The following PDSS2 variants were observed in gnomAD, a reference collection of about 807,000 sequenced individuals.
PDSS2 encodes decaprenyl diphosphate synthase subunit 2.
In PDSS2, 31 loss-of-function variants were observed where a neutral mutation model predicts 44.5. That is an observed-to-expected ratio of 0.70 (90% CI 0.52 to 0.94). PDSS2 has a LOEUF of 0.94. Among genes scored for constraint, PDSS2 ranks in the 40% least tolerant of loss-of-function variants. The pLI is 0.00. For missense variants in PDSS2, 452 were observed against 482.2 expected (o/e 0.94, Z 0.59); for synonymous variants, 157 against 180.3 (o/e 0.87, Z 1.03).
At chr6:107,285,198 C>A (rs1187711244) in intron 2 of PDSS2, among the ~76,000 whole-genome samples, 4 of 152,058 alleles carry the variant, frequency 2.6e-5, no homozygotes, top group African/African-American at 9.7e-5. Context: ...TTACTTGAAT[C>A]CTAAAATTTG....
At chr6:107,225,166 T>TATATATATATATATA (rs1773771631) in intron 4 of PDSS2, among the ~76,000 whole-genome samples, 1 of 38,792 alleles carries the variant, frequency 2.6e-5, no homozygotes, top group Non-Finnish European at 4.5e-5. Context: ...TATATATTTT[T>TATATATATATATATA]TTTTTTTTTT....
rs751931690 is a variant in PDSS2, at chr6:107,212,120, T to C, written c.865A>G (p.Met289Val). 11 of 1,614,020 alleles carry C rather than the reference T, an allele frequency of 6.8e-6. No homozygotes were observed. The East Asian group carries it at 2.0e-4, about 29-fold the overall frequency. The stretch of plus-strand genomic sequence containing the variant: ...GGTGTGCAAAGTACCTTATGACTCA[T>C]GGCCATGTGCTTCCCATACTGAAAT... ...MAFQYGKHMA[M>V]SHKINSDVQP... Residue 289 changes from methionine to valine, a missense_variant, in exon 5 of 8, where the codon ATG becomes GTG. Coordinates refer to ENST00000369037, the MANE Select transcript of PDSS2 (RefSeq NM_020381.4).
At chr6:107,435,685 G>A (rs1781328194) in intron 1 of PDSS2, among the ~76,000 whole-genome samples, 1 of 152,076 alleles carries the variant, frequency 6.6e-6, no homozygotes, top group Non-Finnish European at 1.5e-5. Context: ...CTGTCATAAA[G>A]CCCCTGTAAT....
At chr6:107,398,192 C>T (rs1474691677) in intron 1 of PDSS2, among the ~76,000 whole-genome samples, 2 of 152,304 alleles carry the variant, frequency 1.3e-5, no homozygotes, top group African/African-American at 2.4e-5. Context: ...CTGTGGGAGG[C>T]TCCATTTTCT....
At chr6:107,304,353 T>G (rs1291711382) in intron 2 of PDSS2, among the ~76,000 whole-genome samples, 1 of 152,278 alleles carries the variant, frequency 6.6e-6, no homozygotes, top group African/African-American at 2.4e-5. Context: ...ACTTATCACT[T>G]TTTGTCATTT....
chr6:107,324,717 CAT>C (rs1777484940), intron 2 of PDSS2, among the ~76,000 whole-genome samples: 2 of 152,114 alleles, frequency 1.3e-5, no homozygotes, highest in South Asian at 4.1e-4. Flanking sequence ...TAAAATGCTA[CAT>C]ATTTGAATAT....
At chr6:107,178,572 A>G (rs898084874) in intron 7 of PDSS2, among the ~76,000 whole-genome samples, 2 of 152,254 alleles carry the variant, frequency 1.3e-5, no homozygotes, top group African/African-American at 4.8e-5. Flanking sequence ...TAGCACAGTC[A>G]TTTATTAGAC....
In PDSS2 at chr6:107,168,586, A is replaced by G. The variant is rs1582727181; in HGVS notation, c.1042-13809T>C. ...CTTCCTAGCCTCGATGGTCTTTACA[A>G]TTTGACATGTTTTTGCAGTGGCTGG... On this transcript the variant is annotated intron_variant, in intron 7 of 7. Coordinates refer to ENST00000369037, the MANE Select transcript of PDSS2 (RefSeq NM_020381.4). Among the ~76,000 whole-genome samples, 3 of 151,510 alleles carry G rather than the reference A, an allele frequency of 2.0e-5. No homozygotes were observed. The East Asian group carries it at 5.8e-4, about 29-fold the overall frequency.
chr6:107,406,656 G>C (rs1235866071), intron 1 of PDSS2, among the ~76,000 whole-genome samples: 2 of 152,190 alleles, frequency 1.3e-5, no homozygotes, highest in African/African-American at 2.4e-5. Context: ...ACAGCTTAAA[G>C]TCATACAGCT....
intron 2 of PDSS2, 110 bp from the exon 3 acceptor site, chr6:107,274,337 T>G (rs1033293157): frequency 3.6e-6 from 3 of 822,896 alleles, no homozygotes. Context: ...CCCCACTTTT[T>G]TTTTTGGATT....
rs920167871 is a variant in PDSS2, at chr6:107,405,708, G to A, written c.296+53282C>T. The stretch of plus-strand genomic sequence containing the variant: ...TAAAAATACAAAAAATTAGCCGGGC[G>A]TAGCGGCGGGCGCCTGTAGTCCCAG... On this transcript the variant is annotated intron_variant, in intron 1 of 7. Transcript: ENST00000369037. Among the ~76,000 whole-genome samples, 16 of 151,598 alleles carry A rather than the reference G, an allele frequency of 1.1e-4. No individual in the cohort carries two copies. In the East Asian group the frequency reaches 1.7e-3, roughly 17 times the overall value.
chr6:107,268,940 GTA>G (rs1775497708), intron 3 of PDSS2, among the ~76,000 whole-genome samples: 1 of 122,442 alleles, frequency 8.2e-6, no homozygotes, highest in African/African-American at 2.7e-5. Flanking sequence ...TTAACAAATA[GTA>G]TTTTTTTTTT....
chr6:107,191,909 G>A (rs951417737), intron 7 of PDSS2, among the ~76,000 whole-genome samples: 2 of 152,156 alleles, frequency 1.3e-5, no homozygotes, highest in Non-Finnish European at 2.9e-5. Flanking sequence ...ACTGCACCTG[G>A]CCTTAGATTC....
chr6:107,182,545 G>A (rs141342713), intron 7 of PDSS2, among the ~76,000 whole-genome samples: 9 of 152,198 alleles, frequency 5.9e-5, no homozygotes, highest in African/African-American at 1.9e-4. Context: ...GGCTGGTCTC[G>A]AACTCCTGAC....
chr6:107,384,655 A>C (rs1779556193), intron 1 of PDSS2, among the ~76,000 whole-genome samples: 1 of 151,152 alleles, frequency 6.6e-6, no homozygotes, highest in African/African-American at 2.4e-5. Flanking sequence ...ACCAAAAAAA[A>C]ACACAAAAAA....
At chr6:107,258,843 T>C (rs747180337) in intron 3 of PDSS2, among the ~76,000 whole-genome samples, 11 of 152,208 alleles carry the variant, frequency 7.2e-5, no homozygotes, top group African/African-American at 2.2e-4. Context: ...AATGTTTGTA[T>C]TGAAATATGT....
At chr6:107,274,763 C>T (rs1015295175) in intron 2 of PDSS2, among the ~76,000 whole-genome samples, 1 of 151,236 alleles carries the variant, frequency 6.6e-6, no homozygotes, top group Non-Finnish European at 1.5e-5. Context: ...ACCTCCACCT[C>T]CCAGGCTCAA....
At chr6:107,245,319 C>G (rs1774570675) in intron 4 of PDSS2, among the ~76,000 whole-genome samples, 1 of 142,600 alleles carries the variant, frequency 7.0e-6, no homozygotes, top group South Asian at 2.2e-4. Flanking sequence ...GCAGATTGAA[C>G]AGACTGTGAA....
intron 7 of PDSS2, among the ~76,000 whole-genome samples, chr6:107,169,911 G>A (rs1771502051): frequency 6.6e-6 from 1 of 152,156 alleles, no homozygotes; most frequent in Non-Finnish European, 1.5e-5. Flanking sequence ...TCCCAGTTAG[G>A]CTACTTGGGG....
Sources: allele counts gnomAD v4.1 joint callset (sites outside exome capture counted in the v4.1 genomes callset), GRCh38; gene constraint gnomAD v4.1.1; transcripts MANE v1.5; gene names NCBI Gene and HGNC (gene_info 2026-07-23, HGNC 2026-07-21).